NFIB: variants seen among roughly 807,000 people sequenced by gnomAD.
NFIB encodes nuclear factor I B.
NFIB carries 11 observed loss-of-function variants against 61.5 expected under a neutral mutation model. That is an observed-to-expected ratio of 0.18 (90% CI 0.11 to 0.30). NFIB has a LOEUF of 0.30. Among genes scored for constraint, NFIB ranks in the 10% least tolerant of loss-of-function variants. The pLI, the probability that NFIB is intolerant of heterozygous loss-of-function variation, is 1.00. For missense variants in NFIB, 471 were observed against 608.9 expected (o/e 0.77, Z 2.38); for synonymous variants, 260 against 216.5 (o/e 1.20, Z -1.76).
chr9:14,250,964 A>G (rs1274350040), intron 2 of NFIB, among the ~76,000 whole-genome samples: 1 of 152,262 alleles, frequency 6.6e-6, no homozygotes, highest in Admixed American at 6.5e-5. Context: ...TGTCATAATA[A>G]GTAAATACTA....
chr9:14,449,560 T>C, the NFIB span, among the ~76,000 whole-genome samples: 47 of 152,170 alleles, frequency 3.1e-4, no homozygotes, highest in Admixed American at 5.9e-4. Context: ...GGAAGTTAAA[T>C]TTGTTGAAAT....
chr9:14,511,327 C>T, the NFIB span, among the ~76,000 whole-genome samples: 1 of 151,812 alleles, frequency 6.6e-6, no homozygotes, highest in African/African-American at 2.4e-5. Flanking sequence ...CACTTGATTA[C>T]TTTATAAAAG....
the NFIB span, among the ~76,000 whole-genome samples, chr9:14,475,287 A>C: frequency 6.6e-6 from 1 of 152,206 alleles, no homozygotes. Flanking sequence ...CCTGGGGAGC[A>C]TGGCTCCAGA....
the NFIB span, among the ~76,000 whole-genome samples, chr9:14,484,780 G>A: frequency 6.6e-6 from 1 of 152,234 alleles, no homozygotes; most frequent in Non-Finnish European, 1.5e-5. Context: ...GACAGATTAA[G>A]TCTTGGGGAG....
intron 2 of NFIB, among the ~76,000 whole-genome samples, chr9:14,237,731 T>A (rs962268745): frequency 6.6e-6 from 1 of 151,476 alleles, no homozygotes; most frequent in African/African-American, 2.4e-5. Flanking sequence ...TTATTATTGA[T>A]CTACCAAGCT....
chr9:14,494,829 T>A, the NFIB span, among the ~76,000 whole-genome samples: 2 of 152,070 alleles, frequency 1.3e-5, no homozygotes, highest in Admixed American at 1.3e-4. Flanking sequence ...ATTGCCTAGG[T>A]CTCCATCCTA....
chr9:14,392,361 A>G (rs1159857839), intron 1 of NFIB, among the ~76,000 whole-genome samples: 1 of 152,254 alleles, frequency 6.6e-6, no homozygotes, highest in Non-Finnish European at 1.5e-5. Flanking sequence ...TCAGGACAAC[A>G]GAGTGGAGGG....
chr9:14,475,390 C>G, the NFIB span, among the ~76,000 whole-genome samples: 1 of 152,084 alleles, frequency 6.6e-6, no homozygotes, highest in African/African-American at 2.4e-5. Context: ...GGCTATGGAG[C>G]CTGTGTTTTT....
At chr9:14,230,932 C>T (rs1242224567) in intron 2 of NFIB, among the ~76,000 whole-genome samples, 1 of 151,330 alleles carries the variant, frequency 6.6e-6, no homozygotes, top group East Asian at 2.0e-4. Context: ...CAGAACAGTT[C>T]TGAGGCAGTG....
the NFIB span, among the ~76,000 whole-genome samples, chr9:14,425,744 T>A: frequency 6.6e-6 from 1 of 151,928 alleles, no homozygotes; most frequent in Non-Finnish European, 1.5e-5. Flanking sequence ...TATTGATTGA[T>A]TGGACCATGG....
At chr9:14,456,739 G>C in the NFIB span, among the ~76,000 whole-genome samples, 1 of 152,160 alleles carries the variant, frequency 6.6e-6, no homozygotes, top group Non-Finnish European at 1.5e-5. Flanking sequence ...ACTTCCGGTA[G>C]GGGTACAAAT....
At chr9:14,254,908 T>C (rs759249699) in intron 2 of NFIB, among the ~76,000 whole-genome samples, 2 of 152,156 alleles carry the variant, frequency 1.3e-5, no homozygotes, top group Non-Finnish European at 2.9e-5. Context: ...GACAAGTACC[T>C]TAAAGCTACA....
At chr9:14,452,496 G>GGAAAGGAAAGGAAAGGAAAA in the NFIB span, among the ~76,000 whole-genome samples, 442 of 134,034 alleles carry the variant, frequency 3.3e-3, 45 homozygotes, top group African/African-American at 0.012. Context: ...GGAAAGGAAA[G>GGAAAGGAAAGGAAAGGAAAA]GAAAGGAAAG....
At chr9:14,205,230 G>GAAATGAA (rs2049521609) in intron 2 of NFIB, among the ~76,000 whole-genome samples, 1 of 80,692 alleles carries the variant, frequency 1.2e-5, no homozygotes, top group Non-Finnish European at 2.1e-5. Flanking sequence ...GGGAGGGGAG[G>GAAATGAA]GGGAAAAAAG....
Position 14,125,777 on chromosome 9 carries a change from C to G in NFIB, c.926-11G>C. The G allele has an allele frequency of 6.2e-7, 1 of 1,612,624 alleles. No homozygotes were observed. The highest frequency in any genetic ancestry group is 8.5e-7 in the Non-Finnish European group (1 of 1,179,508). On this transcript the variant is annotated splice_polypyrimidine_tract_variant and intron_variant, in intron 6 of 10. Transcript: ENST00000380953. Reference sequence around the variant, plus strand: ...TCGGAGAAGACATATCTGCGAGAAACAGAGAAAAACCCAAAGCTCCATGAC... The same window carrying G: ...TCGGAGAAGACATATCTGCGAGAAAGAGAGAAAAACCCAAAGCTCCATGAC...
At chr9:14,407,431 A>G in the NFIB span, among the ~76,000 whole-genome samples, 1 of 152,114 alleles carries the variant, frequency 6.6e-6, no homozygotes, top group Non-Finnish European at 1.5e-5. Flanking sequence ...ACAAGGAGAG[A>G]AAGTCTGTGG....
At chr9:14,295,362 A>C (rs1356974109) in intron 2 of NFIB, among the ~76,000 whole-genome samples, 1 of 152,162 alleles carries the variant, frequency 6.6e-6, no homozygotes, top group Non-Finnish European at 1.5e-5. Flanking sequence ...GCGGTGGCTC[A>C]TGCCTGTAAT....
intron 6 of NFIB, among the ~76,000 whole-genome samples, chr9:14,143,439 A>G (rs773123444): frequency 6.6e-6 from 1 of 152,132 alleles, no homozygotes; most frequent in Non-Finnish European, 1.5e-5. Context: ...AGAATGCCAC[A>G]TATTGTCCAT....
chr9:14,457,882 A>G, the NFIB span, among the ~76,000 whole-genome samples: 1 of 152,208 alleles, frequency 6.6e-6, no homozygotes, highest in Non-Finnish European at 1.5e-5. Context: ...TTAATAGCTT[A>G]CCAACCAAAA....
Sources: allele counts gnomAD v4.1 joint callset (sites outside exome capture counted in the v4.1 genomes callset), GRCh38; gene constraint gnomAD v4.1.1; transcripts MANE v1.5; gene names NCBI Gene and HGNC (gene_info 2026-07-23, HGNC 2026-07-21).